AFDN: variants seen among roughly 807,000 people sequenced by gnomAD.
AFDN encodes the protein afadin.
AFDN carries 68 observed loss-of-function variants against 216.6 expected under a neutral mutation model. The observed-to-expected ratio is 0.31, with a 90% CI of 0.26 to 0.38. The LOEUF (loss-of-function observed/expected upper bound fraction) is 0.38. AFDN is among the 10% of genes least tolerant of loss of function. The pLI, the probability that AFDN is intolerant of heterozygous loss-of-function variation, is 1.00. For synonymous variants in AFDN, 868 were observed against 853.7 expected, an observed-to-expected ratio of 1.02 and a Z score of -0.29; for missense variants, 2,136 against 2,342.0, an observed-to-expected ratio of 0.91 and a Z score of 1.82.
At chr6:167,829,228 T>C (rs2128062592) in intron 1 of AFDN, among the ~76,000 whole-genome samples, 1 of 152,312 alleles carries the variant, frequency 6.6e-6, no homozygotes, top group Non-Finnish European at 1.5e-5. Flanking sequence ...TATATTGGTT[T>C]TTTAGCTTTT....
intron 6 of AFDN, among the ~76,000 whole-genome samples, chr6:167,888,576 A>T (rs1787165779): frequency 6.6e-6 from 1 of 152,206 alleles, no homozygotes; most frequent in Admixed American, 6.5e-5. Context: ...ATTATTAAAA[A>T]AATTGTTTGG....
chr6:167,843,806 G>C (rs969760371), intron 1 of AFDN, among the ~76,000 whole-genome samples: 1 of 152,152 alleles, frequency 6.6e-6, no homozygotes, highest in Non-Finnish European at 1.5e-5. Flanking sequence ...ATATGCTGCT[G>C]CTTTTCACCT....
chr6:167,916,715 A>G (rs1277153231), intron 19 of AFDN, among the ~76,000 whole-genome samples: 2 of 152,074 alleles, frequency 1.3e-5, no homozygotes, highest in African/African-American at 2.4e-5. Flanking sequence ...GAGATTTAGT[A>G]TAGAGGCTAG....
intron 23 of AFDN, among the ~76,000 whole-genome samples, chr6:167,940,233 A>G (rs1300087185): frequency 4.8e-5 from 7 of 144,664 alleles, no homozygotes; most frequent in Non-Finnish European, 9.2e-5. Flanking sequence ...GAGGGTGGAA[A>G]CCATCCACAG....
intron 23 of AFDN, among the ~76,000 whole-genome samples, chr6:167,940,249 A>G (rs1216023280): frequency 1.1e-4 from 16 of 145,832 alleles, no homozygotes; most frequent in Non-Finnish European, 2.0e-4. Flanking sequence ...CACAGGAGAG[A>G]TGTGTGGACA....
chr6:167,952,297 CCCTA>C, intron 30 of AFDN, 110 bp downstream of exon 30: 1 of 1,570,442 alleles, frequency 6.4e-7, no homozygotes, highest in Non-Finnish European at 8.6e-7. Flanking sequence ...TTAAAAGGGC[CCCTA>C]GGCTTATACT....
chr6:167,861,461 TTACTCCC>T (rs1261317321), intron 1 of AFDN, among the ~76,000 whole-genome samples: 2 of 152,200 alleles, frequency 1.3e-5, no homozygotes, highest in Non-Finnish European at 2.9e-5. Context: ...CAGTATCTCC[TTACTCCC>T]TTGGGTTTCT....
rs1798054248 is a variant in AFDN, at chr6:167,972,002, A to G, written c.*2067A>G. On this transcript the variant is annotated 3_prime_UTR_variant, in exon 34 of 34. Coordinates refer to ENST00000683244, the MANE Select transcript of AFDN (RefSeq NM_001386888.1). ...ATCTCTTTCCATCTGTCTCTTCTTC[A>G]TTAAACACTTACTGAGTATGATTTC... The G allele has an allele frequency of 5.3e-6, 1 of 188,916 alleles. No individual in the cohort carries two copies. Among genetic ancestry groups the G allele is most frequent in the African/African-American group, 2.3e-5 (1 of 42,770 alleles). The allele number at this position is 188,916 out of a possible 1,614,324, so 11.7% of individuals were successfully genotyped here. A position where few individuals can be genotyped will look rare whatever the true frequency, so the allele number is the denominator to read the frequency against.
chr6:167,839,647 G>A (rs1780832067), intron 1 of AFDN, among the ~76,000 whole-genome samples: 1 of 152,094 alleles, frequency 6.6e-6, no homozygotes, highest in Non-Finnish European at 1.5e-5. Context: ...CTCCCACTCA[G>A]TACATGTGTT....
intron 6 of AFDN, among the ~76,000 whole-genome samples, chr6:167,882,716 ATCTC>A (rs1490958178): frequency 1.3e-5 from 2 of 152,188 alleles, no homozygotes; most frequent in Admixed American, 1.3e-4. Context: ...TACTGCTAGA[ATCTC>A]TCAGGACTGA....
intron 12 of AFDN, among the ~76,000 whole-genome samples, chr6:167,903,921 C>G (rs758380140): frequency 6.6e-6 from 1 of 152,208 alleles, no homozygotes. Flanking sequence ...AGGCCACAAC[C>G]ACGTACTTGA....
chr6:167,914,127 G>A (rs1348861715), intron 16 of AFDN, 41 bp from the exon 17 acceptor site: 3 of 1,605,398 alleles, frequency 1.9e-6, no homozygotes, highest in Admixed American at 1.7e-5. Context: ...TATTACTTTT[G>A]TTTATTCTCT....
intron 12 of AFDN, among the ~76,000 whole-genome samples, chr6:167,906,448 A>C (rs563907280): frequency 6.6e-6 from 1 of 152,298 alleles, no homozygotes; most frequent in South Asian, 2.1e-4. Context: ...TTTATTTACT[A>C]CTTGTGCCCA....
chr6:167,927,982 A>ACATTCATCC (rs1792786439), intron 23 of AFDN, among the ~76,000 whole-genome samples: 3 of 152,218 alleles, frequency 2.0e-5, no homozygotes, highest in African/African-American at 7.2e-5. Context: ...ATTTTCTGTT[A>ACATTCATCC]TGTTCATCCT....
rs1248569659 is a variant in AFDN, at chr6:167,913,260, T to G, written c.2038-143T>G. The stretch of plus-strand genomic sequence containing the variant: ...TGCTTCAGAACCATAAATGAAAATG[T>G]TATTTTGGGAATAACATAACTAAAT... On this transcript the variant is annotated intron_variant, in intron 15 of 33. Transcript: ENST00000683244. The G allele has an allele frequency of 3.8e-5, 31 of 807,006 alleles. 2 individuals are homozygous for G. In the South Asian group the frequency reaches 4.8e-4, roughly 13 times the overall value. 50.0% of individuals were successfully genotyped at this position (807,006 alleles called of 1,614,324 possible). A position where few individuals can be genotyped will look rare whatever the true frequency, so the allele number is the denominator to read the frequency against.
At chr6:167,838,001 A>G (rs1313297772) in intron 1 of AFDN, among the ~76,000 whole-genome samples, 1 of 152,180 alleles carries the variant, frequency 6.6e-6, no homozygotes, top group East Asian at 1.9e-4. Context: ...TAAATACATG[A>G]TGTATTGATT....
At position 167,969,164 on chromosome 6, in the gene AFDN, G is replaced by A. The variant is rs746281808; in HGVS notation, c.5308G>A (p.Ala1770Thr). 2.5e-6 allele frequency: 4 copies of A among 1,613,930 alleles called. No homozygotes were observed. The highest frequency in any genetic ancestry group is 1.1e-5 in the South Asian group (1 of 91,072). ...STGAAVGAHD[A>T]CRDAKEKRSK... ...TGGAGCAGCTGTTGGAGCCCATGACGCCTGTCGGGATGCAAAAGAGAAGCG... is the reference window on the plus strand; with the variant it reads ...TGGAGCAGCTGTTGGAGCCCATGACACCTGTCGGGATGCAAAAGAGAAGCG... Residue 1770 changes from alanine to threonine, a missense_variant, in exon 33 of 34, where the codon GCC (alanine) becomes ACC (threonine). By Grantham distance (58) the Ala-to-Thr change is moderately conservative (BLOSUM62 0). Around this residue, in one of 8 missense-constraint regions of AFDN, gnomAD observed 981 missense variants for 966.0 expected, o/e 1.02. Transcript: ENST00000683244.
intron 1 of AFDN, among the ~76,000 whole-genome samples, chr6:167,851,613 G>A (rs1782317217): frequency 6.6e-6 from 1 of 152,196 alleles, no homozygotes; most frequent in Admixed American, 6.5e-5. Context: ...ACCAAACCCT[G>A]TGAAATAGTA....
intron 11 of AFDN, among the ~76,000 whole-genome samples, chr6:167,900,273 A>C (rs530549876): frequency 2.0e-5 from 3 of 152,304 alleles, no homozygotes; most frequent in South Asian, 4.1e-4. Context: ...CATACCCTCC[A>C]ATGCAGATTT....
Sources: gnomAD v4.1 joint callset for allele counts (sites outside exome capture counted in the v4.1 genomes callset) on GRCh38, gnomAD v4.1.1 for gene constraint, gnomAD v4.1.1 regional missense constraint, MANE v1.5 for transcripts, NCBI Gene and HGNC (gene_info 2026-07-23, HGNC 2026-07-21) for gene names.